MATN2: variants seen among roughly 807,000 people sequenced by gnomAD.
MATN2 encodes matrilin 2, also known as matrilin-2.
MATN2 carries 69 observed loss-of-function variants against 103.2 expected under a neutral mutation model. The observed-to-expected ratio is 0.67, with a 90% CI of 0.55 to 0.82. The LOEUF (loss-of-function observed/expected upper bound fraction) is 0.82. Among genes scored for constraint, MATN2 ranks in the 40% least tolerant of loss-of-function variants. MATN2 has a pLI of 0.00. For synonymous variants in MATN2, 429 were observed against 450.2 expected, an observed-to-expected ratio of 0.95 and a Z score of 0.60; for missense variants, 1,023 against 1,211.5, an observed-to-expected ratio of 0.84 and a Z score of 2.31.
At chr8:97,952,827 A>G (rs1811002604) in intron 4 of MATN2, among the ~76,000 whole-genome samples, 1 of 151,954 alleles carries the variant, frequency 6.6e-6, no homozygotes, top group South Asian at 2.1e-4. Context: ...ACTTTGCTGT[A>G]TCACTTCAAT....
At chr8:98,012,896 G>A (rs1813219735) in intron 10 of MATN2, among the ~76,000 whole-genome samples, 1 of 152,122 alleles carries the variant, frequency 6.6e-6, no homozygotes, top group Non-Finnish European at 1.5e-5. Context: ...TTTAATGAAG[G>A]GGTTGGACTA....
chr8:98,001,300 T>C lies in MATN2; in HGVS notation c.1205-2361T>C, dbSNP rs143578006. ...ATCAAGAACCCAGACTCTTTCTGTCTTTCTATTCTGGCAAAGTATGTTGCA... is the reference window on the plus strand; with the variant it reads ...ATCAAGAACCCAGACTCTTTCTGTCCTTCTATTCTGGCAAAGTATGTTGCA... On this transcript the variant is annotated intron_variant, in intron 7 of 18. Coordinates refer to ENST00000254898, the MANE Select transcript of MATN2 (RefSeq NM_002380.5). Among the ~76,000 whole-genome samples the C allele has an allele frequency of 2.8e-3, 421 of 152,318 alleles. 1 individual carries two copies. The highest frequency in any genetic ancestry group is 7.5e-3 in the South Asian group (36 of 4,826).
At position 97,974,645 on chromosome 8, in the gene MATN2, C is replaced by T. The variant is rs192466390; in HGVS notation, c.959-4241C>T. On this transcript the variant is annotated intron_variant, in intron 5 of 18. Coordinates refer to ENST00000254898, the MANE Select transcript of MATN2 (RefSeq NM_002380.5). Reference sequence around the variant, plus strand: ...TATTTTTAGTACAGATGGGGTTTCACCATGTTGGCCAGGCTGGTCTTGAAC... The same window carrying T: ...TATTTTTAGTACAGATGGGGTTTCATCATGTTGGCCAGGCTGGTCTTGAAC... Among the ~76,000 whole-genome samples the T allele has an allele frequency of 2.8e-3, 425 of 152,140 alleles. 4 individuals carry two copies. The highest frequency in any genetic ancestry group is 8.9e-3 in the African/African-American group (370 of 41,488).
intron 6 of MATN2, among the ~76,000 whole-genome samples, chr8:97,988,800 CA>C (rs1306214259): frequency 6.6e-6 from 1 of 151,874 alleles, no homozygotes; most frequent in Non-Finnish European, 1.5e-5. Context: ...CAAATTATTC[CA>C]AAAAATTGAA....
rs1810193154 is a variant in MATN2, at chr8:97,931,463, T to C, written c.653T>C (p.Leu218Pro). The stretch of plus-strand genomic sequence containing the variant: ...GAGCCCCATGAGGACCATGTCTTCC[T>C]TGTGGCCAATTTCAGCCAGATTGAG... ...GSEPHEDHVF[L>P]VANFSQIETL... The change falls in exon 3 of 19, where the codon CTT becomes CCT. Residue 218 changes from leucine (L) to proline (P), a missense_variant. Leu to Pro is a moderately conservative substitution (Grantham distance 98). Transcript: ENST00000254898. The surrounding 1 kb of genome is among the most constrained non-coding windows in gnomAD (Gnocchi z 4.1). The C allele has an allele frequency of 6.2e-7, 1 of 1,613,488 alleles. No homozygotes were observed. The highest frequency in any genetic ancestry group is 8.5e-7 in the Non-Finnish European group (1 of 1,179,852).
intron 2 of MATN2, among the ~76,000 whole-genome samples, chr8:97,921,631 T>G (rs551528939): frequency 2.0e-5 from 3 of 152,288 alleles, no homozygotes; most frequent in Admixed American, 6.5e-5. Flanking sequence ...CCTTAAGCAC[T>G]GAGAGCTGGT....
At chr8:97,962,981 A>G (rs1811363046) in intron 5 of MATN2, among the ~76,000 whole-genome samples, 1 of 152,170 alleles carries the variant, frequency 6.6e-6, no homozygotes, top group Non-Finnish European at 1.5e-5. Flanking sequence ...CTAAAAATAC[A>G]AAAATTAGCT....
intron 7 of MATN2, among the ~76,000 whole-genome samples, chr8:97,999,888 T>A (rs6988973): frequency 4.0e-5 from 6 of 150,302 alleles, no homozygotes; most frequent in African/African-American, 1.2e-4. Context: ...TTTAATTTTT[T>A]AATTTTTTTA....
intron 1 of MATN2, among the ~76,000 whole-genome samples, chr8:97,881,911 A>ATT (rs1818264814): frequency 2.2e-5 from 2 of 91,080 alleles, no homozygotes; most frequent in South Asian, 3.5e-4. Flanking sequence ...TTTATTACTT[A>ATT]TCTTTTTTTT....
At chr8:97,870,868 C>G (rs189156074) in intron 1 of MATN2, among the ~76,000 whole-genome samples, 2 of 152,352 alleles carry the variant, frequency 1.3e-5, no homozygotes, top group East Asian at 3.9e-4. Flanking sequence ...TTAGAATCCT[C>G]TGTGGAGAAT....
chr8:97,999,386 C>T (rs1812706856), intron 7 of MATN2, among the ~76,000 whole-genome samples: 1 of 152,214 alleles, frequency 6.6e-6, no homozygotes, highest in Non-Finnish European at 1.5e-5. Flanking sequence ...CTGTTTTCCA[C>T]AGTGGCTGAA....
intron 2 of MATN2, among the ~76,000 whole-genome samples, chr8:97,897,382 G>A (rs367626799): frequency 6.6e-6 from 1 of 152,240 alleles, no homozygotes; most frequent in Non-Finnish European, 1.5e-5. Context: ...TCTAGGTCCA[G>A]CCCTTCTGAA....
At chr8:98,001,640 TTTTG>T (rs201099052) in intron 7 of MATN2, among the ~76,000 whole-genome samples, 2,499 of 152,016 alleles carry the variant, frequency 0.016, 27 homozygotes, top group Non-Finnish European at 0.027. Context: ...AATTTTGTTT[TTTTG>T]TTTGTTTGTT....
chr8:98,027,704 G>C lies in MATN2; in HGVS notation c.2231G>C (p.Arg744Thr), dbSNP rs1813861797. The C allele has an allele frequency of 3.1e-6, 5 of 1,613,992 alleles. No homozygotes were observed. Among genetic ancestry groups the C allele is most frequent in the Non-Finnish European group, 4.2e-6 (5 of 1,179,874 alleles). ...CTGGCCCTGAAACACATGTTTGAGA[G>C]AAGTTTTACCCAAGGAGAAGGGGCC... is the stretch of plus-strand genomic sequence containing the variant. ...TGLALKHMFE[R>T]SFTQGEGARP... The change falls in exon 14 of 19, where the codon AGA becomes ACA. Residue 744 changes from arginine to threonine, a missense_variant. Transcript: ENST00000254898.
intron 5 of MATN2, among the ~76,000 whole-genome samples, chr8:97,964,231 C>T (rs1347441132): frequency 1.3e-5 from 2 of 152,168 alleles, no homozygotes; most frequent in East Asian, 3.9e-4. Flanking sequence ...GTGGCCTAAC[C>T]TGAGGGCCAG....
At chr8:97,910,255 G>T (rs1249964121) in intron 2 of MATN2, among the ~76,000 whole-genome samples, 1 of 151,720 alleles carries the variant, frequency 6.6e-6, no homozygotes, top group Non-Finnish European at 1.5e-5. Flanking sequence ...TAGAGACGGG[G>T]TTTTGCCATG....
Position 97,955,066 on chromosome 8 carries a change from G to A in MATN2, c.836-6342G>A, listed in dbSNP as rs1811100000. 5.9e-5 allele frequency among the ~76,000 whole-genome samples: 9 copies of A among 152,258 alleles called. No individual in the cohort carries two copies. The South Asian group carries it at 1.9e-3, about 32-fold the overall frequency. On this transcript the variant is annotated intron_variant, in intron 4 of 18. Coordinates refer to ENST00000254898, the MANE Select transcript of MATN2 (RefSeq NM_002380.5). ...CTTTGCAAAGGTCCCAAGACATGAA[G>A]AAGCTTGATTTGAAAATGGAGAGGG...
intron 2 of MATN2, among the ~76,000 whole-genome samples, chr8:97,908,251 C>G (rs976923828): frequency 6.6e-6 from 1 of 151,224 alleles, no homozygotes; most frequent in African/African-American, 2.4e-5. Flanking sequence ...GAGTGAAACT[C>G]TATCTCAAAA....
chr8:97,960,248 C>T (rs547916248), intron 4 of MATN2, among the ~76,000 whole-genome samples: 20 of 152,304 alleles, frequency 1.3e-4, no homozygotes, highest in South Asian at 6.2e-4. Flanking sequence ...TGAGCTACCA[C>T]GCCCGGCCAG....
Sources: gnomAD v4.1 joint callset for allele counts (sites outside exome capture counted in the v4.1 genomes callset) on GRCh38, gnomAD v4.1.1 for gene constraint, Gnocchi (gnomAD v3.1) non-coding constraint, MANE v1.5 for transcripts, NCBI Gene and HGNC (gene_info 2026-07-23, HGNC 2026-07-21) for gene names.